ERO1A: variants seen among roughly 807,000 people sequenced by gnomAD.
ERO1A encodes the protein ERO1-like protein alpha.
In ERO1A, 49 loss-of-function variants were observed where a neutral mutation model predicts 76.9. That is an observed-to-expected ratio of 0.64 (90% CI 0.51 to 0.81). The LOEUF (loss-of-function observed/expected upper bound fraction) is 0.81. Among genes scored for constraint, ERO1A ranks in the 30% least tolerant of loss-of-function variants. ERO1A has a pLI of 0.00. For missense variants in ERO1A, 448 were observed against 542.1 expected, an observed-to-expected ratio of 0.83 and a Z score of 1.72; for synonymous variants, 174 against 181.2, an observed-to-expected ratio of 0.96 and a Z score of 0.32.
chr14:52,660,951 GAAAC>G (rs2040211710), intron 9 of ERO1A, among the ~76,000 whole-genome samples: 1 of 152,184 alleles, frequency 6.6e-6, no homozygotes, highest in Non-Finnish European at 1.5e-5. Context: ...CTTCCTACAT[GAAAC>G]CCAGCAGATC....
At chr14:52,694,882 A>G (rs1376577652) in intron 1 of ERO1A, among the ~76,000 whole-genome samples, 3 of 151,984 alleles carry the variant, frequency 2.0e-5, no homozygotes, top group Admixed American at 6.6e-5. Flanking sequence ...ACACAGAAAA[A>G]CCGCAAGCAG....
At chr14:52,661,397 G>A in intron 8 of ERO1A, 93 bp from the exon 9 acceptor site, 2 of 1,047,470 alleles carry the variant, frequency 1.9e-6, no homozygotes, top group Non-Finnish European at 1.3e-6. Context: ...CTTTAATAAT[G>A]GTTAGTTTTA....
At chr14:52,662,015 T>C (rs895689325) in intron 8 of ERO1A, among the ~76,000 whole-genome samples, 1 of 152,006 alleles carries the variant, frequency 6.6e-6, no homozygotes, top group Non-Finnish European at 1.5e-5. Flanking sequence ...TTTATAGATA[T>C]ATTATAAATT....
At chr14:52,666,680 C>G (rs1392438858) in intron 6 of ERO1A, among the ~76,000 whole-genome samples, 185 bp from the exon 7 acceptor site, 1 of 152,172 alleles carries the variant, frequency 6.6e-6, no homozygotes, top group South Asian at 2.1e-4. Flanking sequence ...CCTGTAATCC[C>G]AGCACTTTGG....
chr14:52,694,161 T>C (rs2041460775), intron 1 of ERO1A, among the ~76,000 whole-genome samples: 1 of 152,232 alleles, frequency 6.6e-6, no homozygotes, highest in South Asian at 2.1e-4. Flanking sequence ...ATTTCTATCT[T>C]ATTTTTTAAA....
chr14:52,646,539 T>C, intron 13 of ERO1A, 78 bp from the exon 14 acceptor site: 4 of 1,089,702 alleles, frequency 3.7e-6, no homozygotes, highest in Non-Finnish European at 5.4e-6. Context: ...AGGTTCTATG[T>C]GCCTAACACT....
At chr14:52,657,458 T>C (rs569647978) in intron 11 of ERO1A, among the ~76,000 whole-genome samples, 10 of 152,348 alleles carry the variant, frequency 6.6e-5, no homozygotes, top group Non-Finnish European at 5.9e-5. Flanking sequence ...TGTGATACTT[T>C]AATTCCAGAA....
At chr14:52,652,969 T>C (rs1174850976) in intron 12 of ERO1A, 100 bp downstream of exon 12, 1 of 812,634 alleles carries the variant, frequency 1.2e-6, no homozygotes, top group African/African-American at 1.7e-5. Flanking sequence ...CACTCCAGCC[T>C]GGGCAACAGA....
At position 52,646,474 on chromosome 14, in the gene ERO1A, T is replaced by G. The variant is rs1381731131; in HGVS notation, c.1126-13A>C. The G allele has an allele frequency of 6.3e-7, 1 of 1,583,592 alleles. No individual in the cohort carries two copies. Among genetic ancestry groups the G allele is most frequent in the Admixed American group, 1.7e-5 (1 of 57,290 alleles). On this transcript the variant is annotated splice_polypyrimidine_tract_variant and intron_variant, in intron 13 of 15. Transcript: ENST00000395686. ...GTCGAAAGTCCTCCTGAAAACAATT[T>G]AACAAGATTTTATTAAGATGTAATA...
intron 3 of ERO1A, among the ~76,000 whole-genome samples, chr14:52,680,652 C>G (rs968347342): frequency 6.6e-6 from 1 of 152,156 alleles, no homozygotes; most frequent in Non-Finnish European, 1.5e-5. Context: ...CTAATTTTTT[C>G]TATTACTAAA....
At chr14:52,673,917 C>A (rs2040694567) in intron 4 of ERO1A, among the ~76,000 whole-genome samples, 1 of 152,112 alleles carries the variant, frequency 6.6e-6, no homozygotes, top group Admixed American at 6.5e-5. Context: ...CCACTTCTAT[C>A]TTAACTGGTA....
chr14:52,683,972 A>AAC, intron 1 of ERO1A, 65 bp from the exon 2 acceptor site: 1 of 1,359,236 alleles, frequency 7.4e-7, no homozygotes, highest in Non-Finnish European at 1.0e-6. Context: ...CTTTTTCCTC[A>AAC]CATGGTTGTT....
chr14:52,668,825 T>C (rs947285373), intron 6 of ERO1A, among the ~76,000 whole-genome samples: 2 of 148,910 alleles, frequency 1.3e-5, no homozygotes, highest in Non-Finnish European at 3.0e-5. Flanking sequence ...AATACTATAA[T>C]TATATTAAAT....
At chr14:52,692,253 G>A (rs1019692495) in intron 1 of ERO1A, among the ~76,000 whole-genome samples, 1 of 152,142 alleles carries the variant, frequency 6.6e-6, no homozygotes, top group African/African-American at 2.4e-5. Context: ...GTTCACAGTA[G>A]GTTTCAACAT....
chr14:52,669,432 G>A (rs1222850999), intron 6 of ERO1A, among the ~76,000 whole-genome samples: 1 of 152,040 alleles, frequency 6.6e-6, no homozygotes, highest in African/African-American at 2.4e-5. Context: ...TTGTAGAAAA[G>A]ATGGCAAAAT....
In ERO1A at chr14:52,695,411, T is replaced by A; in HGVS notation, c.71A>T (p.Glu24Val). The change falls in exon 1 of 16, where the codon GAG (glutamate) becomes GTG (valine). Residue 24 changes from glutamate to valine, a missense_variant. By Grantham distance (121) the Glu-to-Val change is moderately radical. Transcript: ENST00000395686. ...AVWLLSSGHGEEQPPETAAQR... is the reference protein window; with the variant it reads ...AVWLLSSGHGVEQPPETAAQR... ...TGCCGCTGTCTCCGGGGGCTGCTCCTCTCCGTGGCCCGAGCTGAGCAGCCA... is the reference window on the plus strand; with the variant it reads ...TGCCGCTGTCTCCGGGGGCTGCTCCACTCCGTGGCCCGAGCTGAGCAGCCA... The A allele has an allele frequency of 6.5e-7, 1 of 1,543,962 alleles. No individual in the cohort carries two copies. Among genetic ancestry groups the A allele is most frequent in the Non-Finnish European group, 8.7e-7 (1 of 1,144,406 alleles).
rs774540487 is a variant in ERO1A at position 52,666,507 on chromosome 14, A to G, written c.509-12T>C. On this transcript the variant is annotated splice_polypyrimidine_tract_variant and intron_variant, in intron 6 of 15. Coordinates refer to ENST00000395686, the MANE Select transcript of ERO1A (RefSeq NM_014584.3). ...AGGGGACTGAATGTCTGTAAAATAAAATGTCTTATTAAACCTTTCTTATCC... is the reference window on the plus strand; with the variant it reads ...AGGGGACTGAATGTCTGTAAAATAAGATGTCTTATTAAACCTTTCTTATCC... 1.8e-5 allele frequency: 28 copies of G among 1,599,474 alleles called. No homozygotes were observed. Among genetic ancestry groups the G allele is most frequent in the Non-Finnish European group, 2.4e-5 (28 of 1,174,342 alleles).
chr14:52,680,818 C>T (rs796921153), intron 3 of ERO1A, among the ~76,000 whole-genome samples: 17 of 152,264 alleles, frequency 1.1e-4, no homozygotes, highest in African/African-American at 4.1e-4. Context: ...AAAAAACATG[C>T]TTCTCATTCT....
chr14:52,683,992 C>A, intron 1 of ERO1A, 85 bp from the exon 2 acceptor site: 1 of 1,040,692 alleles, frequency 9.6e-7, no homozygotes, highest in Non-Finnish European at 1.4e-6. Context: ...TAGGAAACAG[C>A]CCCCTACTCA....
Sources: allele counts gnomAD v4.1 joint callset (sites outside exome capture counted in the v4.1 genomes callset), GRCh38; gene constraint gnomAD v4.1.1; transcripts MANE v1.5; gene names NCBI Gene and HGNC (gene_info 2026-07-23, HGNC 2026-07-21).